ZSCAN25: variants seen among roughly 807,000 people sequenced by gnomAD.
ZSCAN25 encodes the protein zinc finger and SCAN domain containing 25, also known as zinc finger and SCAN domain-containing protein 25.
Under a neutral mutation model 38.7 loss-of-function variants are expected in ZSCAN25, and 27 were observed. The observed-to-expected ratio is 0.70, with a 90% confidence interval of 0.51 to 0.96. ZSCAN25 has a LOEUF of 0.96. Ranked by LOEUF, ZSCAN25 falls within the 40% of genes least tolerant of loss-of-function variation. The pLI is 0.00. For missense variants in ZSCAN25, 637 were observed against 705.9 expected, an observed-to-expected ratio of 0.90 and a Z score of 1.11; for synonymous variants, 273 against 277.7, an observed-to-expected ratio of 0.98 and a Z score of 0.17.
the ZSCAN25 span, among the ~76,000 whole-genome samples, chr7:99,689,518 AT>A: frequency 6.6e-6 from 1 of 152,358 alleles, no homozygotes; most frequent in African/African-American, 2.4e-5. Context: ...AATTGTGGCA[AT>A]AATCAATAGC....
chr7:99,641,414 CAT>C, the ZSCAN25 span, among the ~76,000 whole-genome samples: 3 of 152,290 alleles, frequency 2.0e-5, no homozygotes, highest in Admixed American at 6.5e-5. Context: ...CCTCCTACAA[CAT>C]GTGGGGATTA....
chr7:99,720,501 A>T, the ZSCAN25 span: 2 of 1,395,952 alleles, frequency 1.4e-6, no homozygotes, highest in South Asian at 1.2e-5. Flanking sequence ...TGATCCGGAC[A>T]TTACATAATC....
At position 99,627,731 on chromosome 7, in the gene ZSCAN25, A is replaced by C. The variant is rs574762118; in HGVS notation, c.806-1460A>C. 2.1e-4 allele frequency among the ~76,000 whole-genome samples: 32 copies of C among 151,282 alleles called. 1 individual carries two copies. The highest frequency in any genetic ancestry group is 6.6e-4 in the African/African-American group (27 of 40,868). On this transcript the variant is annotated intron_variant, in intron 7 of 7. Transcript: ENST00000394152. ...TATATGCTGTATACGTATATCTCGT[A>C]TATGCTGTATACGTATATCGTATAT...
chr7:99,693,715 C>G, the ZSCAN25 span, among the ~76,000 whole-genome samples: 1 of 152,218 alleles, frequency 6.6e-6, no homozygotes, highest in Non-Finnish European at 1.5e-5. Flanking sequence ...ACCTGCCGAT[C>G]GAGGCACGGG....
At chr7:99,716,614 T>G in the ZSCAN25 span, among the ~76,000 whole-genome samples, 2 of 152,180 alleles carry the variant, frequency 1.3e-5, no homozygotes, top group Non-Finnish European at 2.9e-5. Context: ...CACCTGTTGT[T>G]CCTGCATAAG....
At chr7:99,699,819 A>G in the ZSCAN25 span, 1 of 584,072 alleles carries the variant, frequency 1.7e-6, no homozygotes, top group South Asian at 1.9e-5. Flanking sequence ...TAAGATCAAT[A>G]ATAACCTCTA....
chr7:99,722,768 C>T, the ZSCAN25 span, among the ~76,000 whole-genome samples: 1 of 152,156 alleles, frequency 6.6e-6, no homozygotes. Flanking sequence ...TGTTCTTCAT[C>T]CTTTTCATTT....
rs1241221053 is a variant in ZSCAN25, at chr7:99,631,144, A to G, written c.*1124A>G. ...TTCAGAACCCGTGGATATTCCTGCA[A>G]ATCCTCTGGGCCTGTATTCATTGCT... On this transcript the variant is annotated 3_prime_UTR_variant, in exon 8 of 8. Coordinates refer to ENST00000394152, the MANE Select transcript of ZSCAN25 (RefSeq NM_145115.3). The G allele has an allele frequency of 1.2e-5, 12 of 985,268 alleles. No homozygotes were observed. Among genetic ancestry groups the G allele is most frequent in the Admixed American group, 1.2e-4 (2 of 16,260 alleles). 61.0% of individuals were successfully genotyped at this position (985,268 alleles called of 1,614,324 possible). A position where few individuals can be genotyped will look rare whatever the true frequency, so the allele number is the denominator to read the frequency against.
the ZSCAN25 span, among the ~76,000 whole-genome samples, chr7:99,691,158 G>C: frequency 1.8e-4 from 27 of 152,154 alleles, no homozygotes; most frequent in Middle Eastern, 3.4e-3. Flanking sequence ...ATGGATGAAG[G>C]TGGAAACCAT....
the ZSCAN25 span, among the ~76,000 whole-genome samples, chr7:99,730,404 G>A: frequency 3.0e-4 from 46 of 152,210 alleles, no homozygotes; most frequent in African/African-American, 1.0e-3. Context: ...CCCACAAGAC[G>A]CAGCCTTCAA....
chr7:99,674,700 G>A, the ZSCAN25 span: 1 of 729,388 alleles, frequency 1.4e-6, no homozygotes, highest in Non-Finnish European at 2.3e-6. Context: ...ATCTTTCACT[G>A]GCAGTTGAAG....
chr7:99,664,012 A>T, the ZSCAN25 span: 1 of 1,598,300 alleles, frequency 6.3e-7, no homozygotes, highest in Non-Finnish European at 8.5e-7. Flanking sequence ...CTGTTTACAG[A>T]TTTACTTAAA....
At chr7:99,721,865 C>T in the ZSCAN25 span, among the ~76,000 whole-genome samples, 16 of 152,292 alleles carry the variant, frequency 1.1e-4, no homozygotes, top group African/African-American at 3.9e-4. Context: ...ACAAAACTAT[C>T]ACAAAATACT....
chr7:99,640,217 G>C, the ZSCAN25 span, among the ~76,000 whole-genome samples: 1 of 152,312 alleles, frequency 6.6e-6, no homozygotes, highest in South Asian at 2.1e-4. Flanking sequence ...GGAGTGCAAT[G>C]GTGCGATCTT....
the ZSCAN25 span, among the ~76,000 whole-genome samples, chr7:99,736,593 T>C: frequency 4.3e-4 from 66 of 152,258 alleles, 1 homozygote; most frequent in South Asian, 8.3e-3. Context: ...AGAAATGGAT[T>C]CCATGACAAA....
At chr7:99,674,724 GA>G in the ZSCAN25 span, 2 of 628,326 alleles carry the variant, frequency 3.2e-6, no homozygotes, top group African/African-American at 3.7e-5. Context: ...GCTATTCAGA[GA>G]TGTCTTAAGG....
intron 7 of ZSCAN25, chr7:99,624,485 G>A (rs997346021): frequency 2.3e-5 from 8 of 355,528 alleles, no homozygotes; most frequent in South Asian, 2.0e-4. Flanking sequence ...AACAAGATAC[G>A]AACAGCAAAA....
the ZSCAN25 span, among the ~76,000 whole-genome samples, chr7:99,723,217 T>C: frequency 1.3e-5 from 2 of 152,100 alleles, no homozygotes; most frequent in Non-Finnish European, 2.9e-5. Flanking sequence ...AAACTACAAA[T>C]AGGTGAAACA....
chr7:99,620,263 A>T, intron 4 of ZSCAN25: 1 of 418,190 alleles, frequency 2.4e-6, no homozygotes, highest in Non-Finnish European at 4.2e-6. Flanking sequence ...GGCATCAGGC[A>T]AAAAGAAGGC....
Sources: gnomAD v4.1 joint callset for allele counts (sites outside exome capture counted in the v4.1 genomes callset) on GRCh38, gnomAD v4.1.1 for gene constraint, MANE v1.5 for transcripts, NCBI Gene and HGNC (gene_info 2026-07-23, HGNC 2026-07-21) for gene names.